CDH13: variants seen among roughly 807,000 people sequenced by gnomAD.
CDH13 encodes cadherin-13.
In CDH13, 24 loss-of-function variants were observed where a neutral mutation model predicts 63.8. The observed-to-expected ratio is 0.38, with a 90% confidence interval of 0.27 to 0.53. CDH13 has a LOEUF of 0.53. CDH13 is among the 20% of genes least tolerant of loss of function. The probability of loss-of-function intolerance (pLI) is 0.85; values close to 1 mark genes in which losing one functional copy is unlikely to be tolerated. For missense variants in CDH13, 1,049 were observed against 903.1 expected, an observed-to-expected ratio of 1.16 and a Z score of -2.07; for synonymous variants, 503 against 355.3, an observed-to-expected ratio of 1.42 and a Z score of -4.67.
At chr16:83,459,801 C>T (rs867894347) in intron 6 of CDH13, among the ~76,000 whole-genome samples, 9 of 152,118 alleles carry the variant, frequency 5.9e-5, no homozygotes, top group Middle Eastern at 3.2e-3. Flanking sequence ...GTAAACGTCC[C>T]CTGAGTACCA....
At chr16:83,153,809 T>C (rs887939700) in intron 4 of CDH13, among the ~76,000 whole-genome samples, 1 of 152,146 alleles carries the variant, frequency 6.6e-6, no homozygotes, top group Non-Finnish European at 1.5e-5. Flanking sequence ...GCCACTCACT[T>C]TGTGGCATTT....
chr16:83,441,710 T>C (rs969845045), intron 6 of CDH13, among the ~76,000 whole-genome samples: 2 of 152,080 alleles, frequency 1.3e-5, no homozygotes, highest in East Asian at 1.9e-4. Flanking sequence ...AATGACTTCA[T>C]TTCCCTGAAC....
intron 7 of CDH13, among the ~76,000 whole-genome samples, chr16:83,493,293 C>A (rs1448480696): frequency 6.6e-6 from 1 of 152,192 alleles, no homozygotes; most frequent in African/African-American, 2.4e-5. Flanking sequence ...TTTGCCCACA[C>A]GGCAGAGACT....
At chr16:82,982,101 C>G (rs186762177) in intron 2 of CDH13, among the ~76,000 whole-genome samples, 3 of 152,120 alleles carry the variant, frequency 2.0e-5, no homozygotes, top group Non-Finnish European at 4.4e-5. Flanking sequence ...AGTGTATGAT[C>G]TTAGGCAATT....
chr16:83,499,070 A>G (rs1040060541), intron 7 of CDH13, among the ~76,000 whole-genome samples: 2 of 152,232 alleles, frequency 1.3e-5, no homozygotes, highest in Non-Finnish European at 2.9e-5. Context: ...TACGTGTGCA[A>G]AGATCCAGCA....
intron 5 of CDH13, among the ~76,000 whole-genome samples, chr16:83,313,637 C>T (rs1301997685): frequency 7.4e-6 from 1 of 134,564 alleles, no homozygotes; most frequent in African/African-American, 2.8e-5. Flanking sequence ...AGAACCCTTA[C>T]CATTGTAAAA....
At chr16:83,074,656 A>G (rs1334215835) in intron 3 of CDH13, among the ~76,000 whole-genome samples, 1 of 152,180 alleles carries the variant, frequency 6.6e-6, no homozygotes, top group East Asian at 1.9e-4. Context: ...CCTTGCTAGC[A>G]TCTGTTATTT....
intron 1 of CDH13, among the ~76,000 whole-genome samples, chr16:82,783,822 C>G (rs975243133): frequency 3.7e-5 from 5 of 136,002 alleles, no homozygotes; most frequent in Middle Eastern, 8.0e-3. Context: ...AGGCTTCTGA[C>G]AAGGGAATAC....
At chr16:83,355,275 T>C (rs1236353961) in intron 6 of CDH13, among the ~76,000 whole-genome samples, 1 of 152,182 alleles carries the variant, frequency 6.6e-6, no homozygotes, top group East Asian at 1.9e-4. Flanking sequence ...AAATATTGAG[T>C]CATTTTATGA....
chr16:82,803,459 AG>A (rs2036973705), intron 1 of CDH13, among the ~76,000 whole-genome samples: 1 of 142,908 alleles, frequency 7.0e-6, no homozygotes, highest in Non-Finnish European at 1.6e-5. Context: ...GCTCAGACTC[AG>A]TTTTTTTTGT....
chr16:82,792,938 C>T (rs576866934), intron 1 of CDH13, among the ~76,000 whole-genome samples: 2 of 152,296 alleles, frequency 1.3e-5, no homozygotes, highest in African/African-American at 4.8e-5. Context: ...GGGACGACAG[C>T]ATTGGACTGT....
chr16:83,273,650 A>G (rs12325208), intron 5 of CDH13, among the ~76,000 whole-genome samples: 12,211 of 152,288 alleles, frequency 0.08, 647 homozygotes, highest in African/African-American at 0.14. Context: ...ATTTAAAAGC[A>G]GCCACAAAGG....
At chr16:83,482,746 G>T (rs542285427) in intron 6 of CDH13, among the ~76,000 whole-genome samples, 1 of 152,186 alleles carries the variant, frequency 6.6e-6, no homozygotes, top group Non-Finnish European at 1.5e-5. Flanking sequence ...ACTACAGAAT[G>T]TGTGTGTGCA....
chr16:83,461,571 T>A (rs1014806507), intron 6 of CDH13, among the ~76,000 whole-genome samples: 3 of 152,158 alleles, frequency 2.0e-5, no homozygotes, highest in African/African-American at 7.2e-5. Flanking sequence ...GGGTCTTAGT[T>A]GACAAGTTCA....
chr16:83,310,784 C>G (rs757373967), intron 5 of CDH13, among the ~76,000 whole-genome samples: 7 of 152,176 alleles, frequency 4.6e-5, no homozygotes, highest in East Asian at 1.9e-4. Flanking sequence ...GAACAATAAC[C>G]TAGGACCCTG....
chr16:83,520,778 G>A (rs1222194939), intron 7 of CDH13, among the ~76,000 whole-genome samples: 5 of 152,080 alleles, frequency 3.3e-5, no homozygotes, highest in South Asian at 2.1e-4. Flanking sequence ...TCAGCTGGCC[G>A]GGAAGAGCCT....
At chr16:83,589,707 TAA>T (rs1306339522) in intron 7 of CDH13, among the ~76,000 whole-genome samples, 8 of 152,226 alleles carry the variant, frequency 5.3e-5, no homozygotes, top group Non-Finnish European at 1.0e-4. Flanking sequence ...TCTCACAGCA[TAA>T]TCACAGGACG....
At chr16:83,678,592 G>T (rs1915154554) in intron 10 of CDH13, 131 bp downstream of exon 10, 1 of 1,189,810 alleles carries the variant, frequency 8.4e-7, no homozygotes, top group Non-Finnish European at 1.2e-6. Context: ...CAAGTGGGAG[G>T]AAAGCGTCAT....
chr16:82,731,840 C>G (rs1209535368), intron 1 of CDH13, among the ~76,000 whole-genome samples: 1 of 152,098 alleles, frequency 6.6e-6, no homozygotes, highest in East Asian at 1.9e-4. Flanking sequence ...ATATATGTGC[C>G]TGGACATGCC....
Sources: gnomAD v4.1 joint callset for allele counts (sites outside exome capture counted in the v4.1 genomes callset) on GRCh38, gnomAD v4.1.1 for gene constraint, MANE v1.5 for transcripts, NCBI Gene and HGNC (gene_info 2026-07-23, HGNC 2026-07-21) for gene names.